JAZF1: variants seen among roughly 807,000 people sequenced by gnomAD.
The protein encoded by JAZF1 is JAZF zinc finger 1.
A neutral mutation model predicts 26.4 loss-of-function variants in JAZF1; 8 were observed. That is an observed-to-expected ratio of 0.30 (90% CI 0.18 to 0.55). JAZF1 has a LOEUF of 0.55. Ranked by LOEUF, JAZF1 falls within the 20% of genes least tolerant of loss-of-function variation. JAZF1 has a pLI of 0.94. For missense variants in JAZF1, 199 were observed against 322.0 expected (o/e 0.62, Z 2.92); for synonymous variants, 126 against 122.3 (o/e 1.03, Z -0.20).
At chr7:27,986,600 T>C (rs1046051795) in intron 2 of JAZF1, among the ~76,000 whole-genome samples, 17 of 152,022 alleles carry the variant, frequency 1.1e-4, no homozygotes, top group Non-Finnish European at 1.9e-4. Flanking sequence ...CTTCACAGAA[T>C]TGGAAAAAAC....
chr7:28,163,081 G>C (rs1783316803), intron 1 of JAZF1, among the ~76,000 whole-genome samples: 1 of 152,210 alleles, frequency 6.6e-6, no homozygotes, highest in African/African-American at 2.4e-5. Context: ...AATGCTGCCT[G>C]TTGTGCTTGT....
intron 1 of JAZF1, among the ~76,000 whole-genome samples, chr7:28,130,917 A>T (rs1782782955): frequency 6.6e-6 from 1 of 152,216 alleles, no homozygotes; most frequent in Non-Finnish European, 1.5e-5. Context: ...TGGCCTGACG[A>T]CTACTTTACA....
chr7:28,101,005 T>A (rs573629957), intron 1 of JAZF1, among the ~76,000 whole-genome samples: 3 of 152,348 alleles, frequency 2.0e-5, no homozygotes, highest in African/African-American at 7.2e-5. Context: ...TATTTATAGA[T>A]CATGTCATCT....
At chr7:27,972,424 G>A (rs1430433520) in intron 2 of JAZF1, among the ~76,000 whole-genome samples, 3 of 152,190 alleles carry the variant, frequency 2.0e-5, no homozygotes, top group African/African-American at 4.8e-5. Context: ...TCTTTTAGGG[G>A]AAGGAGGATG....
chr7:28,046,496 A>G (rs1025558391), intron 1 of JAZF1, among the ~76,000 whole-genome samples: 10 of 152,242 alleles, frequency 6.6e-5, no homozygotes, highest in African/African-American at 2.4e-4. Context: ...TATTATAAAT[A>G]TCATTATGAT....
Position 27,892,198 on chromosome 7 carries a change from G to A in JAZF1, c.385+3022C>T, listed in dbSNP as rs146198790. 4.6e-3 allele frequency among the ~76,000 whole-genome samples: 699 copies of A among 152,256 alleles called. 2 individuals are homozygous for A. The highest frequency in any genetic ancestry group is 0.016 in the African/African-American group (664 of 41,544). The stretch of plus-strand genomic sequence containing the variant: ...ACACAATCAAAATTGTACGTGGTAG[G>A]GGTTTAAGAAACCATTTCCCCTGCT... On this transcript the variant is annotated intron_variant, in intron 3 of 4. Coordinates refer to ENST00000283928, the MANE Select transcript of JAZF1 (RefSeq NM_175061.4).
chr7:27,983,745 T>G (rs38509), intron 2 of JAZF1, among the ~76,000 whole-genome samples: 60,203 of 152,124 alleles, frequency 0.4, 13,721 homozygotes, highest in Non-Finnish European at 0.53. Flanking sequence ...GACTAACAGC[T>G]GATCTCTCAG....
chr7:28,096,351 T>TA (rs1162345587), intron 1 of JAZF1, among the ~76,000 whole-genome samples: 1 of 152,274 alleles, frequency 6.6e-6, no homozygotes, highest in African/African-American at 2.4e-5. Flanking sequence ...CCTTTGCTGT[T>TA]AATTCTCTGA....
intron 1 of JAZF1, among the ~76,000 whole-genome samples, chr7:28,071,871 G>A (rs547660421): frequency 3.1e-4 from 47 of 152,314 alleles, no homozygotes; most frequent in African/African-American, 1.1e-3. Context: ...CAAGTTCTCG[G>A]CATTTCTTAT....
At chr7:28,098,218 C>T (rs1288369661) in intron 1 of JAZF1, among the ~76,000 whole-genome samples, 7 of 152,230 alleles carry the variant, frequency 4.6e-5, no homozygotes, top group Non-Finnish European at 8.8e-5. Flanking sequence ...CTCCCTCTCT[C>T]CCTGACATAT....
chr7:27,969,598 A>G (rs1334692041), intron 2 of JAZF1, among the ~76,000 whole-genome samples: 2 of 152,132 alleles, frequency 1.3e-5, no homozygotes, highest in African/African-American at 4.8e-5. Flanking sequence ...AGACTAAATT[A>G]CCACCTGCTT....
At chr7:28,007,304 C>G (rs1413360233) in intron 1 of JAZF1, among the ~76,000 whole-genome samples, 2 of 152,080 alleles carry the variant, frequency 1.3e-5, no homozygotes. Context: ...CCCATCTCTA[C>G]TGAAAATAAA....
chr7:27,994,441 CAA>C (rs781162884), intron 1 of JAZF1, among the ~76,000 whole-genome samples: 2 of 74,380 alleles, frequency 2.7e-5, no homozygotes, highest in African/African-American at 6.6e-5. Flanking sequence ...CTCTCCATCA[CAA>C]AAAAAAAAAA....
intron 2 of JAZF1, among the ~76,000 whole-genome samples, chr7:27,919,085 G>A: frequency 6.6e-6 from 1 of 152,182 alleles, no homozygotes; most frequent in East Asian, 1.9e-4. Context: ...ACTAAGTGAT[G>A]AAGGTAGCAC....
chr7:28,144,630 A>C (rs1782999724), intron 1 of JAZF1, among the ~76,000 whole-genome samples: 2 of 152,254 alleles, frequency 1.3e-5, no homozygotes, highest in Non-Finnish European at 2.9e-5. Context: ...ATAAAACCTA[A>C]CTTAAAAATA....
chr7:28,032,642 TATTTAGAATATGAGG>T (rs1490143329), intron 1 of JAZF1, among the ~76,000 whole-genome samples: 1 of 152,144 alleles, frequency 6.6e-6, no homozygotes, highest in African/African-American at 2.4e-5. Flanking sequence ...TTGCCCAATA[TATTTAGAATATGAGG>T]CAGGGCTATC....
At chr7:27,877,725 G>A (rs1271494795) in intron 3 of JAZF1, among the ~76,000 whole-genome samples, 2 of 152,182 alleles carry the variant, frequency 1.3e-5, no homozygotes, top group Non-Finnish European at 2.9e-5. Flanking sequence ...CCAGCCCTGC[G>A]CAGTGGCTTT....
intron 4 of JAZF1, among the ~76,000 whole-genome samples, chr7:27,837,263 A>G (rs1410119856): frequency 6.6e-6 from 1 of 152,270 alleles, no homozygotes. Flanking sequence ...TTTTAAACCT[A>G]TCTGCATTAT....
At chr7:28,004,359 G>T (rs1782663971) in intron 1 of JAZF1, among the ~76,000 whole-genome samples, 1 of 151,668 alleles carries the variant, frequency 6.6e-6, no homozygotes. Flanking sequence ...GAGGGCCAAT[G>T]GTTTCTAGCC....
Sources: allele counts gnomAD v4.1 joint callset (sites outside exome capture counted in the v4.1 genomes callset), GRCh38; gene constraint gnomAD v4.1.1; transcripts MANE v1.5; gene names NCBI Gene and HGNC (gene_info 2026-07-23, HGNC 2026-07-21).